ARFGEF3: variants seen among roughly 807,000 people sequenced by gnomAD.
ARFGEF3 encodes brefeldin A-inhibited guanine nucleotide-exchange protein 3.
ARFGEF3 carries 96 observed loss-of-function variants against 221.7 expected under a neutral mutation model. That is an observed-to-expected ratio of 0.43 (90% CI 0.37 to 0.51). The LOEUF is 0.51. ARFGEF3 is among the 20% of genes least tolerant of loss of function. The pLI is 0.00. For missense variants in ARFGEF3, 2,410 were observed against 2,789.9 expected (o/e 0.86, Z 3.07); for synonymous variants, 1,145 against 1,126.8 (o/e 1.02, Z -0.32).
At position 138,289,818 on chromosome 6, in the gene ARFGEF3, T is replaced by C; in HGVS notation, c.2897T>C (p.Val966Ala). 1 of 1,613,252 alleles carries C rather than the reference T, an allele frequency of 6.2e-7. No homozygotes were observed. The highest frequency in any genetic ancestry group is 8.5e-7 in the Non-Finnish European group (1 of 1,179,566). ...TTTAATAAATGTCTTTCTGGCACAG[T>C]GAAACTAAAAGTGGAGCAGAAACTG... is the stretch of plus-strand genomic sequence containing the variant. The part of the protein sequence containing the change: ...AQEPSDAITQ[V>A]KLKVEQKLEQ... The change falls in exon 18 of 34, where the codon GTG becomes GCG. Residue 966 changes from valine to alanine, a missense_variant and splice_region_variant. Physicochemically the swap from Val to Ala is moderately conservative, Grantham distance 64. Transcript: ENST00000251691.
chr6:138,222,303 G>A (rs185921059), intron 4 of ARFGEF3, among the ~76,000 whole-genome samples: 7 of 152,356 alleles, frequency 4.6e-5, no homozygotes, highest in South Asian at 2.1e-4. Context: ...GAAAGTTTAC[G>A]AATTTGTGTT....
rs915984476 is a variant in ARFGEF3 at position 138,323,657 on chromosome 6, G to C, written c.4767-14G>C. 1.2e-6 allele frequency: 2 copies of C among 1,606,380 alleles called. No homozygotes were observed. The highest frequency in any genetic ancestry group is 2.2e-5 in the South Asian group (2 of 89,988). ...CAACAAAAAAAAAACTCCTTTACTT[G>C]TTTCTTTTGGCAGATACGTCCTTGT... On this transcript the variant is annotated splice_polypyrimidine_tract_variant and intron_variant, in intron 29 of 33. Coordinates refer to ENST00000251691, the MANE Select transcript of ARFGEF3 (RefSeq NM_020340.5).
At chr6:138,177,638 C>G (rs1776981383) in intron 2 of ARFGEF3, among the ~76,000 whole-genome samples, 1 of 152,048 alleles carries the variant, frequency 6.6e-6, no homozygotes, top group South Asian at 2.1e-4. Flanking sequence ...TTTATATAGT[C>G]CCAAATATCT....
In ARFGEF3 at chr6:138,232,961, G is replaced by A. The variant is rs528765914; in HGVS notation, c.420+3109G>A. Among the ~76,000 whole-genome samples, 3 of 152,290 alleles carry A rather than the reference G, an allele frequency of 2.0e-5. No individual in the cohort carries two copies. The South Asian group carries it at 6.2e-4, about 32-fold the overall frequency. On this transcript the variant is annotated intron_variant, in intron 5 of 33. Transcript: ENST00000251691. The stretch of plus-strand genomic sequence containing the variant: ...TGGCTCCCCCTCAGTCTTAGAGAAT[G>A]TTAGCAGAATCTTGCCATAATAATA...
At chr6:138,309,775 G>A (rs1277620027) in intron 24 of ARFGEF3, among the ~76,000 whole-genome samples, 2 of 152,210 alleles carry the variant, frequency 1.3e-5, no homozygotes, top group African/African-American at 2.4e-5. Context: ...TCTAAGACAA[G>A]AGAAGGATAT....
At chr6:138,236,311 A>G (rs546037876) in intron 5 of ARFGEF3, among the ~76,000 whole-genome samples, 2 of 152,368 alleles carry the variant, frequency 1.3e-5, no homozygotes, top group South Asian at 4.1e-4. Context: ...ACAGTTATAA[A>G]GATTTCTGGG....
intron 2 of ARFGEF3, among the ~76,000 whole-genome samples, chr6:138,205,204 C>T (rs538349683): frequency 3.3e-5 from 5 of 152,152 alleles, no homozygotes; most frequent in Admixed American, 2.0e-4. Flanking sequence ...TGTTGGGTGC[C>T]CTTGGTGAGT....
chr6:138,294,012 G>A lies in ARFGEF3; in HGVS notation c.3388G>A (p.Asp1130Asn). 1 of 1,613,806 alleles carries A rather than the reference G, an allele frequency of 6.2e-7. No homozygotes were observed. Among genetic ancestry groups the A allele is most frequent in the Non-Finnish European group, 8.5e-7 (1 of 1,179,862 alleles). The change falls in exon 20 of 34, where the codon GAT becomes AAT. Residue 1130 changes from aspartate to asparagine, a missense_variant. Around this residue, in one of 5 missense-constraint regions of ARFGEF3, gnomAD observed 184 missense variants for 141.8 expected, o/e 1.30. Coordinates refer to ENST00000251691, the MANE Select transcript of ARFGEF3 (RefSeq NM_020340.5). ...ATCCAGGCTCTTTGAAGATGCTACG[G>A]ATAAGTTGAACCTCATGGCCTTGGG... is the stretch of plus-strand genomic sequence containing the variant. ...QADRLFEDATDKLNLMALGGF... is the reference protein window; with the variant it reads ...QADRLFEDATNKLNLMALGGF...
chr6:138,166,520 G>A (rs746931255), intron 1 of ARFGEF3, among the ~76,000 whole-genome samples: 7 of 152,174 alleles, frequency 4.6e-5, no homozygotes, highest in Non-Finnish European at 1.0e-4. Context: ...GCATATGTAT[G>A]TATCTTCTCT....
At chr6:138,287,442 C>T (rs927648340) in intron 17 of ARFGEF3, among the ~76,000 whole-genome samples, 1 of 152,218 alleles carries the variant, frequency 6.6e-6, no homozygotes, top group Admixed American at 6.5e-5. Flanking sequence ...CCAGGGGGAC[C>T]CACCTGGCTG....
At chr6:138,170,514 A>T in intron 1 of ARFGEF3, 148 bp from the exon 2 acceptor site, 1 of 575,826 alleles carries the variant, frequency 1.7e-6, no homozygotes, top group Non-Finnish European at 3.1e-6. Context: ...ATTTTAAAAT[A>T]TGAAGGACTT....
intron 6 of ARFGEF3, among the ~76,000 whole-genome samples, chr6:138,242,487 G>A (rs150401960): frequency 6.6e-6 from 1 of 152,278 alleles, no homozygotes; most frequent in East Asian, 1.9e-4. Flanking sequence ...GTATTTTGAA[G>A]TCCAGGAACC....
At chr6:138,227,568 A>T (rs1320490386) in intron 4 of ARFGEF3, among the ~76,000 whole-genome samples, 1 of 152,170 alleles carries the variant, frequency 6.6e-6, no homozygotes, top group Non-Finnish European at 1.5e-5. Flanking sequence ...GTCAATACTT[A>T]AAAAATCAAG....
Position 138,262,895 on chromosome 6 carries a change from C to A in ARFGEF3, c.1412C>A (p.Ser471Tyr), listed in dbSNP as rs1300794653. ...GATGGGGCTGAGTGGAGCCGAGATT[C>A]CATGGAGATCAATGAGGCTGACTTC... ...LKDGAEWSRD[S>Y]MEINEADFRW... Residue 471 changes from serine (S) to tyrosine (Y), a missense_variant, in exon 12 of 34, where the codon TCC becomes TAC. Ser to Tyr is a moderately radical substitution (Grantham distance 144). Around this residue, in one of 5 missense-constraint regions of ARFGEF3, gnomAD observed 570 missense variants for 586.9 expected, o/e 0.97. Coordinates refer to ENST00000251691, the MANE Select transcript of ARFGEF3 (RefSeq NM_020340.5). The A allele has an allele frequency of 6.2e-7, 1 of 1,613,088 alleles. No individual in the cohort carries two copies.
intron 2 of ARFGEF3, among the ~76,000 whole-genome samples, chr6:138,199,402 C>G (rs1018945126): frequency 2.0e-5 from 3 of 152,080 alleles, no homozygotes; most frequent in African/African-American, 7.2e-5. Context: ...ATCTTTGTGC[C>G]TCTTCTCACC....
rs200900981 is a variant in ARFGEF3 at position 138,334,180 on chromosome 6, T to C, written c.5334T>C (p.Tyr1778=). 1.9e-5 allele frequency: 31 copies of C among 1,613,880 alleles called. No homozygotes were observed. In the Admixed American group the frequency reaches 2.8e-4, roughly 15 times the overall value. ...AVIFDLLLDS[Y]RTAREFDTSP... ...TATTCGACCTGCTGCTGGACTCTTA[T>C]AGGACTGCCAGGGAGTTTGACACCA... is the stretch of plus-strand genomic sequence containing the variant. The change falls in exon 33 of 34, where the codon TAT becomes TAC. Residue 1778 remains tyrosine (Y), a synonymous_variant. Transcript: ENST00000251691. The surrounding 1 kb of genome is among the most constrained non-coding windows in gnomAD (Gnocchi z 5.1).
intron 22 of ARFGEF3, among the ~76,000 whole-genome samples, chr6:138,301,595 A>T (rs1278175719): frequency 6.6e-6 from 1 of 152,234 alleles, no homozygotes; most frequent in Non-Finnish European, 1.5e-5. Flanking sequence ...GAAATCTAAC[A>T]TAAGATCCTG....
intron 1 of ARFGEF3, among the ~76,000 whole-genome samples, chr6:138,168,536 C>T (rs1776764382): frequency 6.6e-6 from 1 of 152,166 alleles, no homozygotes; most frequent in South Asian, 2.1e-4. Flanking sequence ...CAGGGTCTCT[C>T]AGGATACTGT....
chr6:138,307,788 A>C (rs1271294425), intron 23 of ARFGEF3, among the ~76,000 whole-genome samples: 3 of 152,214 alleles, frequency 2.0e-5, no homozygotes, highest in African/African-American at 4.8e-5. Context: ...GGGTACCCAT[A>C]AAGCATGCCC....
Sources: gnomAD v4.1 joint callset for allele counts (sites outside exome capture counted in the v4.1 genomes callset) on GRCh38, gnomAD v4.1.1 for gene constraint, gnomAD v4.1.1 regional missense constraint, Gnocchi (gnomAD v3.1) non-coding constraint, MANE v1.5 for transcripts, NCBI Gene and HGNC (gene_info 2026-07-23, HGNC 2026-07-21) for gene names.